The following PCDHGB2 variants were observed in gnomAD, a reference collection of about 807,000 sequenced individuals.
The protein encoded by PCDHGB2 is protocadherin gamma-B2.
PCDHGB2 carries 55 observed loss-of-function variants against 59.3 expected under a neutral mutation model. The observed-to-expected ratio is 0.93, with a 90% CI of 0.75 to 1.16. The LOEUF (loss-of-function observed/expected upper bound fraction) is 1.16, where lower values mean the gene tolerates loss of function less well. PCDHGB2 is among the 50% of genes most tolerant of loss of function. PCDHGB2 has a pLI of 0.00. For missense variants in PCDHGB2, 1,228 were observed against 1,198.5 expected (o/e 1.02, Z -0.36); for synonymous variants, 516 against 512.0 (o/e 1.01, Z -0.11).
intron 1 of PCDHGB2, among the ~76,000 whole-genome samples, chr5:141,451,001 A>AT (rs1164946963): frequency 2.0e-5 from 3 of 148,376 alleles, no homozygotes; most frequent in South Asian, 2.1e-4. Context: ...ATTTTTTTGT[A>AT]TTTTTTTTAG....
intron 1 of PCDHGB2, chr5:141,422,845 G>A: frequency 6.2e-7 from 1 of 1,614,230 alleles, no homozygotes; most frequent in Non-Finnish European, 8.5e-7. Context: ...TGACAGCGGG[G>A]ACCCGCCCCT....
At chr5:141,415,275 G>T in intron 1 of PCDHGB2, 5 of 1,614,212 alleles carry the variant, frequency 3.1e-6, no homozygotes, top group Non-Finnish European at 4.2e-6. Flanking sequence ...TGGTGGTAGC[G>T]GTGGCCGCGG....
intron 1 of PCDHGB2, chr5:141,403,482 A>G (rs764737675): frequency 5.0e-6 from 8 of 1,613,774 alleles, no homozygotes; most frequent in Non-Finnish European, 6.8e-6. Context: ...CCCAATCACC[A>G]CTTCTCCCTG....
At chr5:141,389,562 G>C in intron 1 of PCDHGB2, 1 of 1,613,284 alleles carries the variant, frequency 6.2e-7, no homozygotes, top group Middle Eastern at 1.7e-4. Context: ...TGCGCCACGG[G>C]TGCTGTACCC....
At chr5:141,436,318 CTG>C (rs1309397202) in intron 1 of PCDHGB2, among the ~76,000 whole-genome samples, 1 of 152,154 alleles carries the variant, frequency 6.6e-6, no homozygotes, top group Non-Finnish European at 1.5e-5. Flanking sequence ...ATAGTCAAGA[CTG>C]TTAGACCATA....
In PCDHGB2 at chr5:141,362,322, T is replaced by A. The variant is rs369360424; in HGVS notation, c.2187T>A (p.Pro729=). The change falls in exon 1 of 4, where the codon CCT becomes CCA. Residue 729 remains proline (P), a synonymous_variant. Coordinates refer to ENST00000522605, the MANE Select transcript of PCDHGB2 (RefSeq NM_018923.3). ...SRSDAWDCFQ[P]GLSSKPGPGV... ...CAGATGCTTGGGACTGTTTTCAGCC[T>A]GGTCTCAGCTCCAAGCCTGGACCTG... 83 of 1,614,066 alleles carry A rather than the reference T, an allele frequency of 5.1e-5. No individual in the cohort carries two copies. The highest frequency in any genetic ancestry group is 1.3e-4 in the Admixed American group (8 of 60,032).
intron 1 of PCDHGB2, chr5:141,372,263 G>T (rs373583904): frequency 2.5e-6 from 4 of 1,613,110 alleles, no homozygotes; most frequent in African/African-American, 1.3e-5. Flanking sequence ...GCCTGCGCAC[G>T]GGTGAGGTGC....
At chr5:141,388,824 T>A in intron 1 of PCDHGB2, 1 of 1,613,960 alleles carries the variant, frequency 6.2e-7, no homozygotes, top group Non-Finnish European at 8.5e-7. Flanking sequence ...CAAAGAATAT[T>A]CCATAGTTTT....
In PCDHGB2 at chr5:141,375,798, C is replaced by T. The variant is rs368947176; in HGVS notation, c.2421+13242C>T. On this transcript the variant is annotated intron_variant, in intron 1 of 3. Coordinates refer to ENST00000522605, the MANE Select transcript of PCDHGB2 (RefSeq NM_018923.3). ...TACCCCGCCCTCCCCACAGACGGTT[C>T]CACTGGCGTGGAGCTGGCGCCCCGC... 11 of 1,614,124 alleles carry T rather than the reference C, an allele frequency of 6.8e-6. No individual in the cohort carries two copies. The African/African-American group carries it at 1.1e-4, about 16-fold the overall frequency.
chr5:141,468,274 G>A (rs1461428449), intron 1 of PCDHGB2, among the ~76,000 whole-genome samples: 1 of 144,906 alleles, frequency 6.9e-6, no homozygotes, highest in Non-Finnish European at 1.5e-5. Flanking sequence ...GTGGTGAGCC[G>A]AGACCACGCC....
chr5:141,418,578 CAGTGTT>C, intron 1 of PCDHGB2: 1 of 1,614,040 alleles, frequency 6.2e-7, no homozygotes, highest in African/African-American at 1.3e-5. Flanking sequence ...GACAACCCCC[CAGTGTT>C]CAGCCAGGAC....
intron 1 of PCDHGB2, chr5:141,366,528 C>A (rs777450935): frequency 4.3e-6 from 7 of 1,614,210 alleles, no homozygotes; most frequent in South Asian, 1.1e-5. Flanking sequence ...AGCAGGTTGG[C>A]GGGTGTGCCC....
chr5:141,377,580 A>G (rs1350053157), intron 1 of PCDHGB2: 1 of 151,568 alleles, frequency 6.6e-6, no homozygotes, highest in African/African-American at 2.4e-5. Context: ...TGGGAGACAG[A>G]ATGAGACTTT....
In PCDHGB2 at chr5:141,383,574, C is replaced by T. The variant is rs1338805390; in HGVS notation, c.2421+21018C>T. The stretch of plus-strand genomic sequence containing the variant: ...GCGGCGACCCGCCCCGATCCAGCAC[C>T]GCCCACATCCAGGTGACAGTGGTGG... On this transcript the variant is annotated intron_variant, in intron 1 of 3. Transcript: ENST00000522605. The T allele has an allele frequency of 3.7e-6, 6 of 1,613,366 alleles. No homozygotes were observed. In the South Asian group the frequency reaches 5.5e-5, roughly 15 times the overall value.
chr5:141,487,001 C>T lies in PCDHGB2; in HGVS notation c.2422-7806C>T. ...TTACAATGCTTGGGTTTCCTATCAG[C>T]TCCTGGAGGCCCCAGATCCCAGCCT... On this transcript the variant is annotated intron_variant, in intron 1 of 3. Transcript: ENST00000522605. This position sits in a 1 kb window ranked among gnomAD's most constrained non-coding sequence, Gnocchi z 5.0. 6.2e-7 allele frequency: 1 copy of T among 1,614,218 alleles called. No individual in the cohort carries two copies. The highest frequency in any genetic ancestry group is 8.5e-7 in the Non-Finnish European group (1 of 1,180,038).
At chr5:141,366,937 T>G in intron 1 of PCDHGB2, 1 of 860,432 alleles carries the variant, frequency 1.2e-6, no homozygotes, top group Non-Finnish European at 1.7e-6. Context: ...TTGGGAAGTC[T>G]AGCTGATATC....
Position 141,511,042 on chromosome 5 carries a change from G to C in PCDHGB2, c.2665G>C (p.Asp889His), listed in dbSNP as rs774071540. Residue 889 changes from aspartate (D) to histidine (H), a missense_variant, in exon 4 of 4, where the codon GAC becomes CAC. Transcript: ENST00000522605. Reference sequence around the variant, plus strand: ...CCAGTTCACCCTGCAGCACGTGCCCGACTACCGCCAGAATGTCTACATCCC... The same window carrying C: ...CCAGTTCACCCTGCAGCACGTGCCCCACTACCGCCAGAATGTCTACATCCC... ...GPQFTLQHVP[D>H]YRQNVYIPGS... 6.2e-7 allele frequency: 1 copy of C among 1,614,182 alleles called. No homozygotes were observed. Among genetic ancestry groups the C allele is most frequent in the South Asian group, 1.1e-5 (1 of 91,084 alleles).
At chr5:141,368,306 T>C (rs1456479805) in intron 1 of PCDHGB2, among the ~76,000 whole-genome samples, 1 of 152,130 alleles carries the variant, frequency 6.6e-6, no homozygotes, top group African/African-American at 2.4e-5. Context: ...TTAAACACTG[T>C]TAAAGAGCAT....
intron 1 of PCDHGB2, chr5:141,394,967 C>T: frequency 6.2e-7 from 1 of 1,613,950 alleles, no homozygotes; most frequent in Non-Finnish European, 8.5e-7. Flanking sequence ...GGCTGAGGCG[C>T]TGGCACAAGT....
Sources: allele counts gnomAD v4.1 joint callset (sites outside exome capture counted in the v4.1 genomes callset), GRCh38; gene constraint gnomAD v4.1.1; non-coding constraint Gnocchi (gnomAD v3.1); transcripts MANE v1.5; gene names NCBI Gene and HGNC (gene_info 2026-07-23, HGNC 2026-07-21).